EXT1: variants seen among roughly 807,000 people sequenced by gnomAD.
The protein encoded by EXT1 is exostosin-1.
In EXT1, 20 loss-of-function variants were observed where a neutral mutation model predicts 82.5. That is an observed-to-expected ratio of 0.24 (90% CI 0.17 to 0.35). The LOEUF is 0.35. Ranked by LOEUF, EXT1 falls within the 10% of genes least tolerant of loss-of-function variation. The pLI, the probability that EXT1 is intolerant of heterozygous loss-of-function variation, is 1.00. For missense variants in EXT1, 757 were observed against 936.5 expected (o/e 0.81, Z 2.50); for synonymous variants, 348 against 350.8 (o/e 0.99, Z 0.09).
At chr8:117,822,024 T>C (rs192962349) in intron 5 of EXT1, among the ~76,000 whole-genome samples, 2 of 152,310 alleles carry the variant, frequency 1.3e-5, no homozygotes, top group Admixed American at 6.5e-5. Flanking sequence ...ATGAATAAAT[T>C]TGTGCTTGTC....
intron 1 of EXT1, among the ~76,000 whole-genome samples, chr8:117,854,403 A>G (rs1377170701): frequency 1.3e-5 from 2 of 152,134 alleles, no homozygotes; most frequent in Non-Finnish European, 2.9e-5. Flanking sequence ...AATCTCTTAG[A>G]AAAAAACTGG....
chr8:117,799,581 C>A lies in EXT1; in HGVS notation c.*131G>T, dbSNP rs1447855648. The A allele has an allele frequency of 2.0e-5, 20 of 998,216 alleles. 1 individual carries two copies. Among genetic ancestry groups the A allele is most frequent in the Non-Finnish European group, 2.5e-5 (17 of 666,958 alleles). 61.8% of individuals were successfully genotyped at this position (998,216 alleles called of 1,614,324 possible). On this transcript the variant is annotated 3_prime_UTR_variant, in exon 11 of 11. Coordinates refer to ENST00000378204, the MANE Select transcript of EXT1 (RefSeq NM_000127.3). Reference sequence around the variant, plus strand: ...TTCTCATTGGCCTTTTTTTTTTTGTCATTCTGCTCATCTAAGTTTTTGGAT... The same window carrying A: ...TTCTCATTGGCCTTTTTTTTTTTGTAATTCTGCTCATCTAAGTTTTTGGAT...
intron 1 of EXT1, among the ~76,000 whole-genome samples, chr8:118,011,674 C>A (rs894563140): frequency 3.9e-5 from 6 of 152,168 alleles, no homozygotes; most frequent in African/African-American, 1.4e-4. Context: ...TTTGTCTGAT[C>A]CAAAATTCCC....
chr8:117,824,596 G>T (rs1563572047), intron 4 of EXT1, among the ~76,000 whole-genome samples: 1 of 152,124 alleles, frequency 6.6e-6, no homozygotes, highest in Non-Finnish European at 1.5e-5. Flanking sequence ...TGCCTAAGTT[G>T]TTATACTTAA....
chr8:118,075,333 C>T (rs1045274994), intron 1 of EXT1, among the ~76,000 whole-genome samples: 3 of 152,270 alleles, frequency 2.0e-5, no homozygotes, highest in Admixed American at 6.5e-5. Flanking sequence ...TCTCCATTCC[C>T]GATACTGCAG....
In EXT1 at chr8:117,797,142, A is replaced by G. The variant is rs916179537; in HGVS notation, c.*2570T>C. The stretch of plus-strand genomic sequence containing the variant: ...GGCTATGATTTGTCAACTTGTTGCA[A>G]TGCAATACAACTCTTTCCTAACTGA... On this transcript the variant is annotated 3_prime_UTR_variant, in exon 11 of 11. Coordinates refer to ENST00000378204, the MANE Select transcript of EXT1 (RefSeq NM_000127.3). The G allele has an allele frequency of 6.6e-6, 1 of 152,252 alleles. No homozygotes were observed. Among genetic ancestry groups the G allele is most frequent in the African/African-American group, 2.4e-5 (1 of 41,458 alleles). 9.4% of individuals were successfully genotyped at this position (152,252 alleles called of 1,614,324 possible). A position where few individuals can be genotyped will look rare whatever the true frequency, so the allele number is the denominator to read the frequency against.
chr8:118,004,563 G>A, intron 1 of EXT1, among the ~76,000 whole-genome samples: 1 of 152,196 alleles, frequency 6.6e-6, no homozygotes, highest in East Asian at 1.9e-4. Context: ...CAGCGCAGAT[G>A]TCCCACTAAA....
chr8:118,027,952 T>C (rs1439689779), intron 1 of EXT1, among the ~76,000 whole-genome samples: 4 of 152,218 alleles, frequency 2.6e-5, no homozygotes, highest in Admixed American at 1.3e-4. Flanking sequence ...GCTTGATGCT[T>C]GACCTTACTT....
At chr8:117,921,474 T>C (rs1813853918) in intron 1 of EXT1, among the ~76,000 whole-genome samples, 1 of 152,232 alleles carries the variant, frequency 6.6e-6, no homozygotes, top group African/African-American at 2.4e-5. Flanking sequence ...CTAACCTAGA[T>C]GCTTTCTTCT....
intron 1 of EXT1, among the ~76,000 whole-genome samples, chr8:118,017,433 A>C (rs1816023102): frequency 6.6e-6 from 1 of 152,160 alleles, no homozygotes; most frequent in Non-Finnish European, 1.5e-5. Flanking sequence ...AACAGTAACA[A>C]AGTCAGCACT....
At chr8:117,964,576 T>C (rs915166634) in intron 1 of EXT1, among the ~76,000 whole-genome samples, 1 of 152,186 alleles carries the variant, frequency 6.6e-6, no homozygotes, top group African/African-American at 2.4e-5. Flanking sequence ...GGAATGTGAA[T>C]TTCACAGAAA....
At chr8:118,049,136 AT>A (rs1405755560) in intron 1 of EXT1, among the ~76,000 whole-genome samples, 1 of 152,186 alleles carries the variant, frequency 6.6e-6, no homozygotes, top group Non-Finnish European at 1.5e-5. Context: ...GTAGAAGTTA[AT>A]TTTTTCTTTA....
At chr8:117,815,690 G>A (rs997759271) in intron 7 of EXT1, among the ~76,000 whole-genome samples, 2 of 152,160 alleles carry the variant, frequency 1.3e-5, no homozygotes, top group African/African-American at 4.8e-5. Flanking sequence ...CCAGCACTTT[G>A]GGAGGCCTAG....
At chr8:117,828,696 G>A (rs1563573226) in intron 4 of EXT1, among the ~76,000 whole-genome samples, 1 of 152,104 alleles carries the variant, frequency 6.6e-6, no homozygotes. Context: ...GCTTTTGGAG[G>A]GATAAAAGTT....
At chr8:117,949,180 A>G (rs926434328) in intron 1 of EXT1, among the ~76,000 whole-genome samples, 3 of 152,166 alleles carry the variant, frequency 2.0e-5, no homozygotes, top group African/African-American at 7.2e-5. Flanking sequence ...CAAGTTCCCA[A>G]TTTTGTAATC....
At chr8:117,823,240 C>A (rs1405359341) in intron 4 of EXT1, among the ~76,000 whole-genome samples, 1 of 152,062 alleles carries the variant, frequency 6.6e-6, no homozygotes, top group Non-Finnish European at 1.5e-5. Context: ...AGGACAAGAA[C>A]CATGGCATAT....
At chr8:118,015,833 T>C (rs992710859) in intron 1 of EXT1, among the ~76,000 whole-genome samples, 2 of 151,838 alleles carry the variant, frequency 1.3e-5, no homozygotes, top group Admixed American at 1.3e-4. Flanking sequence ...GCTGTCCTTA[T>C]AAAAAAAGGA....
Position 118,111,245 on chromosome 8 carries a change from C to G in EXT1, c.-199G>C. ...GCGATTTCTTTAACTTTCTCCCCTTCGGTCTTTCATCTTTGGGTTGCACAA... is the reference window on the plus strand; with the variant it reads ...GCGATTTCTTTAACTTTCTCCCCTTGGGTCTTTCATCTTTGGGTTGCACAA... On this transcript the variant is annotated 5_prime_UTR_variant, in exon 1 of 11. Coordinates refer to ENST00000378204, the MANE Select transcript of EXT1 (RefSeq NM_000127.3). 1.3e-6 allele frequency: 1 copy of G among 769,534 alleles called. No individual in the cohort carries two copies. The allele number at this position is 769,534 out of a possible 1,614,324, so 47.7% of individuals were successfully genotyped here.
At chr8:118,051,531 C>T (rs1816717295) in intron 1 of EXT1, among the ~76,000 whole-genome samples, 1 of 152,118 alleles carries the variant, frequency 6.6e-6, no homozygotes, top group Non-Finnish European at 1.5e-5. Context: ...AATTGATGGG[C>T]CAGGGAAAAC....
Sources: allele counts gnomAD v4.1 joint callset (sites outside exome capture counted in the v4.1 genomes callset), GRCh38; gene constraint gnomAD v4.1.1; transcripts MANE v1.5; gene names NCBI Gene and HGNC (gene_info 2026-07-23, HGNC 2026-07-21).